MAGI2: variants seen among roughly 807,000 people sequenced by gnomAD.
MAGI2 encodes the protein membrane associated guanylate kinase, WW and PDZ domain containing 2.
In MAGI2, 35 loss-of-function variants were observed where a neutral mutation model predicts 133.3. The ratio of observed to expected loss-of-function variants is 0.26; its 90% CI spans 0.20 to 0.35. The LOEUF (loss-of-function observed/expected upper bound fraction) is 0.35, where lower values mean the gene tolerates loss of function less well. Ranked by LOEUF, MAGI2 falls within the 10% of genes least tolerant of loss-of-function variation. MAGI2 has a pLI of 1.00. For synonymous variants in MAGI2, 729 were observed against 710.6 expected (o/e 1.03, Z -0.41); for missense variants, 1,636 against 1,863.4 (o/e 0.88, Z 2.25).
chr7:79,054,133 T>C (rs531296009), intron 1 of MAGI2, among the ~76,000 whole-genome samples: 10 of 152,176 alleles, frequency 6.6e-5, no homozygotes, highest in Non-Finnish European at 1.2e-4. Context: ...GAGGCAGAGG[T>C]TGCAATGAGC....
At chr7:78,805,799 ACAG>A (rs1471074135) in intron 2 of MAGI2, among the ~76,000 whole-genome samples, 3 of 152,158 alleles carry the variant, frequency 2.0e-5, no homozygotes, top group Admixed American at 6.5e-5. Context: ...ATAATAGGGA[ACAG>A]CAGGGAATGG....
chr7:78,108,750 A>G (rs1818986334), intron 20 of MAGI2, among the ~76,000 whole-genome samples: 1 of 140,562 alleles, frequency 7.1e-6, no homozygotes, highest in African/African-American at 2.5e-5. Context: ...ATGTGAGTGT[A>G]TATACGTGAG....
intron 1 of MAGI2, among the ~76,000 whole-genome samples, chr7:79,322,906 A>G (rs377690425): frequency 1.4e-4 from 21 of 152,288 alleles, no homozygotes; most frequent in African/African-American, 5.1e-4. Flanking sequence ...GTTGGAGTGC[A>G]GTTCAGGCTG....
Position 79,053,513 on chromosome 7 carries a change from T to A in MAGI2, c.302-46307A>T, listed in dbSNP as rs529180749. 4.6e-5 allele frequency among the ~76,000 whole-genome samples: 7 copies of A among 152,302 alleles called. No homozygotes were observed. In the East Asian group the frequency reaches 1.4e-3, roughly 29 times the overall value. On this transcript the variant is annotated intron_variant, in intron 1 of 21. Coordinates refer to ENST00000354212, the MANE Select transcript of MAGI2 (RefSeq NM_012301.4). The stretch of plus-strand genomic sequence containing the variant: ...GTAGTAACTCCAATAATTCAATTCA[T>A]TTAAAGTGAAAAAAAAACTTTATAA...
At chr7:78,038,320 G>A (rs956567084) in intron 21 of MAGI2, among the ~76,000 whole-genome samples, 1 of 152,052 alleles carries the variant, frequency 6.6e-6, no homozygotes, top group Non-Finnish European at 1.5e-5. Context: ...TGAATATGGC[G>A]TATGTGTATA....
intron 1 of MAGI2, among the ~76,000 whole-genome samples, chr7:79,266,619 C>T (rs76253901): frequency 0.038 from 5,759 of 152,094 alleles, 162 homozygotes; most frequent in African/African-American, 0.072. Flanking sequence ...AACCCATTGC[C>T]GTCCATCATT....
chr7:78,629,778 C>T (rs1808765723), intron 2 of MAGI2, among the ~76,000 whole-genome samples: 3 of 152,162 alleles, frequency 2.0e-5, no homozygotes, highest in Admixed American at 1.3e-4. Flanking sequence ...TGACGTTTTG[C>T]AGAAGACATG....
At chr7:78,217,835 A>C (rs1054817817) in intron 10 of MAGI2, among the ~76,000 whole-genome samples, 1 of 152,146 alleles carries the variant, frequency 6.6e-6, no homozygotes, top group Non-Finnish European at 1.5e-5. Context: ...TTTTATATTC[A>C]ATGGAACAGA....
intron 15 of MAGI2, among the ~76,000 whole-genome samples, chr7:78,163,011 A>AT (rs924658747): frequency 3.9e-5 from 6 of 152,110 alleles, no homozygotes; most frequent in Non-Finnish European, 5.9e-5. Context: ...GTATTATATA[A>AT]TTTTTTTAAA....
intron 16 of MAGI2, among the ~76,000 whole-genome samples, chr7:78,142,898 C>G (rs776086362): frequency 2.0e-4 from 30 of 152,144 alleles, no homozygotes; most frequent in Admixed American, 5.9e-4. Flanking sequence ...CTGTATGTCC[C>G]TGAAAATCAC....
At chr7:78,897,786 TTG>T (rs1797324117) in intron 2 of MAGI2, among the ~76,000 whole-genome samples, 1 of 152,172 alleles carries the variant, frequency 6.6e-6, no homozygotes, top group African/African-American at 2.4e-5. Context: ...TTCCATTTGT[TTG>T]TGTCATCTCT....
chr7:78,691,579 A>C (rs1341184441), intron 2 of MAGI2, among the ~76,000 whole-genome samples: 1 of 152,146 alleles, frequency 6.6e-6, no homozygotes, highest in Non-Finnish European at 1.5e-5. Context: ...ATATTGTATA[A>C]AAAGGAATGT....
At chr7:78,490,253 G>A (rs1485071473) in intron 5 of MAGI2, among the ~76,000 whole-genome samples, 3 of 151,990 alleles carry the variant, frequency 2.0e-5, no homozygotes, top group Non-Finnish European at 2.9e-5. Flanking sequence ...CAGTTGTTTT[G>A]TTACTCTTTA....
At chr7:78,150,301 T>C (rs1267016045) in intron 16 of MAGI2, among the ~76,000 whole-genome samples, 1 of 152,190 alleles carries the variant, frequency 6.6e-6, no homozygotes, top group East Asian at 1.9e-4. Context: ...ACTTAACAAT[T>C]TGCTCTTAAA....
chr7:78,450,065 A>AT (rs200776461), intron 6 of MAGI2, among the ~76,000 whole-genome samples: 77 of 151,130 alleles, frequency 5.1e-4, no homozygotes, highest in African/African-American at 1.5e-3. Context: ...AGTCAATGGA[A>AT]TTTTTTTTTT....
chr7:78,076,738 G>C lies in MAGI2; in HGVS notation c.3706+2209C>G, dbSNP rs369544575. 1.9e-4 allele frequency among the ~76,000 whole-genome samples: 29 copies of C among 149,544 alleles called. No individual in the cohort carries two copies. In the East Asian group the frequency reaches 4.1e-3, roughly 21 times the overall value. On this transcript the variant is annotated intron_variant, in intron 21 of 21. Transcript: ENST00000354212. ...GCGGGCGCCTGTAGTCCCAGCTACT[G>C]GGGAGGCTGAGGCAGGAGAATGGCG...
intron 3 of MAGI2, among the ~76,000 whole-genome samples, chr7:78,603,633 C>T (rs1407787611): frequency 6.6e-6 from 1 of 152,160 alleles, no homozygotes; most frequent in Non-Finnish European, 1.5e-5. Flanking sequence ...AGCAATTCTC[C>T]TGCCTCAGTC....
At chr7:78,316,628 G>C (rs1176521590) in intron 9 of MAGI2, among the ~76,000 whole-genome samples, 1 of 152,116 alleles carries the variant, frequency 6.6e-6, no homozygotes, top group Non-Finnish European at 1.5e-5. Flanking sequence ...TGTTTCAGTA[G>C]AAACTGTCAA....
chr7:79,334,773 T>C (rs762404827), intron 1 of MAGI2, among the ~76,000 whole-genome samples: 10 of 152,144 alleles, frequency 6.6e-5, no homozygotes, highest in African/African-American at 2.4e-4. Context: ...GATTTGTAAT[T>C]GATAAAGTGT....
Sources: allele counts gnomAD v4.1 joint callset (sites outside exome capture counted in the v4.1 genomes callset), GRCh38; gene constraint gnomAD v4.1.1; transcripts MANE v1.5; gene names NCBI Gene and HGNC (gene_info 2026-07-23, HGNC 2026-07-21).